The following SH3D19 variants were observed in gnomAD, a reference collection of about 807,000 sequenced individuals.
The protein encoded by SH3D19 is SH3 domain-containing protein 19.
Under a neutral mutation model 112.1 loss-of-function variants are expected in SH3D19, and 58 were observed. The observed-to-expected ratio is 0.52, with a 90% CI of 0.42 to 0.64. The LOEUF (loss-of-function observed/expected upper bound fraction) is 0.64, where lower values mean the gene tolerates loss of function less well. Among genes scored for constraint, SH3D19 ranks in the 30% least tolerant of loss-of-function variants. SH3D19 has a pLI of 0.00. For synonymous variants in SH3D19, 391 were observed against 448.5 expected, an observed-to-expected ratio of 0.87 and a Z score of 1.62; for missense variants, 1,090 against 1,263.4, an observed-to-expected ratio of 0.86 and a Z score of 2.08.
At chr4:151,199,175 GC>G (rs762167143) in intron 2 of SH3D19, among the ~76,000 whole-genome samples, 24 of 152,112 alleles carry the variant, frequency 1.6e-4, no homozygotes, top group Non-Finnish European at 3.1e-4. Flanking sequence ...AGATTTGGGA[GC>G]CCACAAAGAA....
intron 1 of SH3D19, among the ~76,000 whole-genome samples, chr4:151,244,558 G>A (rs1770795616): frequency 6.6e-6 from 1 of 152,186 alleles, no homozygotes; most frequent in Admixed American, 6.5e-5. Flanking sequence ...AGATTTAAAT[G>A]TAAATCCAGG....
intron 13 of SH3D19, among the ~76,000 whole-genome samples, chr4:151,138,686 TCACACACA>T (rs1177218801): frequency 0.071 from 3,838 of 54,072 alleles, 178 homozygotes; most frequent in African/African-American, 0.18. Context: ...AGATCTTGTC[TCACACACA>T]CACACACACA....
At chr4:151,180,165 A>T (rs1760628623) in intron 3 of SH3D19, among the ~76,000 whole-genome samples, 1 of 152,244 alleles carries the variant, frequency 6.6e-6, no homozygotes, top group South Asian at 2.1e-4. Flanking sequence ...GGCATGAGCC[A>T]CTATGCCCAG....
intron 15 of SH3D19, among the ~76,000 whole-genome samples, chr4:151,134,568 G>A (rs1174641704): frequency 1.3e-5 from 2 of 152,088 alleles, no homozygotes; most frequent in Non-Finnish European, 2.9e-5. Flanking sequence ...CTAAAAACTG[G>A]GTGAACACCA....
At chr4:151,182,178 G>A (rs1254704716) in intron 3 of SH3D19, among the ~76,000 whole-genome samples, 3 of 151,938 alleles carry the variant, frequency 2.0e-5, no homozygotes, top group Non-Finnish European at 4.4e-5. Flanking sequence ...TTGTAGAAAC[G>A]GGGTTTTGCT....
chr4:151,168,721 C>G (rs1266172380), intron 7 of SH3D19, among the ~76,000 whole-genome samples: 4 of 152,164 alleles, frequency 2.6e-5, no homozygotes, highest in Non-Finnish European at 5.9e-5. Flanking sequence ...GTGTGAGCCA[C>G]TGTGCCTGGC....
rs566978422 is a variant in SH3D19 at position 151,176,733 on chromosome 4, T to G, written c.376-46A>C. ...ATTTTAGACATCTAAGGGCAATAGC[T>G]AAGGTGTTGACAGTCTCACTGTTCT... On this transcript the variant is annotated intron_variant, in intron 5 of 19. Coordinates refer to ENST00000604030, the MANE Select transcript of SH3D19 (RefSeq NM_001378122.1). The G allele has an allele frequency of 4.8e-5, 59 of 1,228,756 alleles. No individual in the cohort carries two copies. The Middle Eastern group carries it at 9.4e-4, about 20-fold the overall frequency. The allele number at this position is 1,228,756 out of a possible 1,614,324, so 76.1% of individuals were successfully genotyped here.
intron 1 of SH3D19, chr4:151,282,266 A>T (rs200807354): frequency 6.2e-7 from 1 of 1,613,860 alleles, no homozygotes; most frequent in Non-Finnish European, 8.5e-7. Context: ...CCAAGATACA[A>T]CGGCAGACGT....
intron 1 of SH3D19, among the ~76,000 whole-genome samples, chr4:151,233,314 G>C (rs1769758336): frequency 6.6e-6 from 1 of 152,052 alleles, no homozygotes. Context: ...CCTGAAACCA[G>C]CCCTCTGCAC....
At chr4:151,303,935 GCT>G (rs1314765778) in intron 1 of SH3D19, among the ~76,000 whole-genome samples, 1 of 144,466 alleles carries the variant, frequency 6.9e-6, no homozygotes, top group Non-Finnish European at 1.6e-5. Flanking sequence ...ACCTTCTCTT[GCT>G]CTCTCATTTT....
chr4:151,289,623 A>T (rs1561435273), intron 1 of SH3D19, among the ~76,000 whole-genome samples: 3 of 152,222 alleles, frequency 2.0e-5, no homozygotes, highest in African/African-American at 7.2e-5. Context: ...AAATGTAGAG[A>T]AATTGGAGCC....
intron 1 of SH3D19, among the ~76,000 whole-genome samples, chr4:151,311,523 T>C (rs750825660): frequency 2.0e-5 from 3 of 152,062 alleles, no homozygotes; most frequent in Non-Finnish European, 4.4e-5. Context: ...GTATGTGGAA[T>C]CTAAAAAAGT....
At chr4:151,319,844 T>C (rs939850048) in intron 1 of SH3D19, among the ~76,000 whole-genome samples, 3 of 152,176 alleles carry the variant, frequency 2.0e-5, no homozygotes, top group African/African-American at 7.2e-5. Flanking sequence ...GCAAGCAGCA[T>C]ACAGGTATAA....
intron 1 of SH3D19, among the ~76,000 whole-genome samples, chr4:151,294,001 C>T (rs527292039): frequency 6.6e-6 from 1 of 152,334 alleles, no homozygotes; most frequent in Admixed American, 6.5e-5. Flanking sequence ...CCCATCTCTC[C>T]TAACCAGGAC....
chr4:151,167,174 C>T (rs1758182957), intron 7 of SH3D19, among the ~76,000 whole-genome samples: 2 of 151,792 alleles, frequency 1.3e-5, no homozygotes, highest in Non-Finnish European at 2.9e-5. Flanking sequence ...TGTCATCAAA[C>T]TCAAAAAAAA....
intron 1 of SH3D19, among the ~76,000 whole-genome samples, chr4:151,256,181 T>C (rs75987412): frequency 2.0e-3 from 307 of 152,354 alleles, no homozygotes; most frequent in African/African-American, 7.1e-3. Flanking sequence ...TTGTTTTCTG[T>C]CCTGAGGCCT....
chr4:151,254,538 G>A (rs1033433144), intron 1 of SH3D19, among the ~76,000 whole-genome samples: 38 of 129,678 alleles, frequency 2.9e-4, no homozygotes, highest in Middle Eastern at 3.8e-3. Flanking sequence ...GGAGCATGCT[G>A]CCTTCAAGCA....
chr4:151,162,598 C>CTT (rs57420317), intron 8 of SH3D19, among the ~76,000 whole-genome samples: 22 of 131,094 alleles, frequency 1.7e-4, no homozygotes, highest in Non-Finnish European at 2.6e-4. Context: ...AGATTGGTCC[C>CTT]TTTTTTTTTT....
intron 9 of SH3D19, among the ~76,000 whole-genome samples, chr4:151,152,305 G>T (rs1027462883): frequency 6.6e-6 from 1 of 152,152 alleles, no homozygotes; most frequent in Non-Finnish European, 1.5e-5. Flanking sequence ...TAACCTCAAG[G>T]CTCTCTGCAT....
Sources: allele counts gnomAD v4.1 joint callset (sites outside exome capture counted in the v4.1 genomes callset), GRCh38; gene constraint gnomAD v4.1.1; transcripts MANE v1.5; gene names NCBI Gene and HGNC (gene_info 2026-07-23, HGNC 2026-07-21).